The following SVIL variants were observed in gnomAD, a reference collection of about 807,000 sequenced individuals.
SVIL encodes supervillin.
SVIL carries 101 observed loss-of-function variants against 240.4 expected under a neutral mutation model. The ratio of observed to expected loss-of-function variants is 0.42; its 90% CI spans 0.36 to 0.50. SVIL has a LOEUF of 0.50. Among genes scored for constraint, SVIL ranks in the 20% least tolerant of loss-of-function variants. The pLI, the probability that SVIL is intolerant of heterozygous loss-of-function variation, is 0.01. For synonymous variants in SVIL, 999 were observed against 1,100.0 expected (o/e 0.91, Z 1.82); for missense variants, 2,512 against 2,818.7 (o/e 0.89, Z 2.46).
chr10:29,618,522 C>A (rs1957509958), intron 1 of SVIL, among the ~76,000 whole-genome samples: 1 of 152,136 alleles, frequency 6.6e-6, no homozygotes, highest in Admixed American at 6.5e-5. Context: ...ACAGACCCAC[C>A]ATGCCTGGCC....
intron 12 of SVIL, among the ~76,000 whole-genome samples, chr10:29,529,282 G>A (rs1038215683): frequency 6.6e-6 from 1 of 151,660 alleles, no homozygotes; most frequent in African/African-American, 2.4e-5. Context: ...GGATATTTAT[G>A]GATGAAATGG....
At chr10:29,708,605 C>T (rs934552996) in intron 1 of SVIL, among the ~76,000 whole-genome samples, 15 of 151,978 alleles carry the variant, frequency 9.9e-5, no homozygotes, top group South Asian at 2.1e-4. Flanking sequence ...TGGGCAACTC[C>T]GTCTCAAAAA....
intron 5 of SVIL, among the ~76,000 whole-genome samples, chr10:29,552,168 T>C (rs1953418534): frequency 6.6e-6 from 1 of 152,052 alleles, no homozygotes; most frequent in African/African-American, 2.4e-5. Context: ...TACAAACTAA[T>C]AACATTTTTA....
intron 32 of SVIL, among the ~76,000 whole-genome samples, chr10:29,468,390 C>T (rs893927776): frequency 6.6e-6 from 1 of 151,886 alleles, no homozygotes; most frequent in African/African-American, 2.4e-5. Context: ...CATCTTTTGG[C>T]CACTATGACT....
At chr10:29,722,314 C>T (rs1427454115) in intron 1 of SVIL, among the ~76,000 whole-genome samples, 2 of 151,352 alleles carry the variant, frequency 1.3e-5, no homozygotes, top group Non-Finnish European at 2.9e-5. Context: ...TCCCAAATTT[C>T]TACTGAAAAG....
chr10:29,627,345 C>A (rs1187745317), intron 1 of SVIL, among the ~76,000 whole-genome samples: 1 of 151,976 alleles, frequency 6.6e-6, no homozygotes, highest in Non-Finnish European at 1.5e-5. Flanking sequence ...TCCTCTAGTC[C>A]AACCCTTGTT....
At chr10:29,555,809 G>A (rs1953873049) in intron 3 of SVIL, among the ~76,000 whole-genome samples, 2 of 152,036 alleles carry the variant, frequency 1.3e-5, no homozygotes, top group Admixed American at 6.5e-5. Flanking sequence ...AGGGCCATCG[G>A]CAAGCTACAA....
intron 1 of SVIL, among the ~76,000 whole-genome samples, chr10:29,600,877 T>C (rs1956786030): frequency 6.6e-6 from 1 of 152,194 alleles, no homozygotes; most frequent in South Asian, 2.1e-4. Context: ...ATCTGAAGTA[T>C]AGTCAATACA....
intron 1 of SVIL, among the ~76,000 whole-genome samples, chr10:29,709,474 T>C (rs1360052404): frequency 2.0e-5 from 3 of 152,236 alleles, no homozygotes; most frequent in Non-Finnish European, 4.4e-5. Context: ...ATACCCTTCT[T>C]TGCCTTCCTT....
intron 1 of SVIL, among the ~76,000 whole-genome samples, chr10:29,586,875 A>G (rs1956187992): frequency 6.6e-6 from 1 of 152,134 alleles, no homozygotes; most frequent in Non-Finnish European, 1.5e-5. Flanking sequence ...GGAACAACAC[A>G]CACTGGGGCC....
intron 1 of SVIL, among the ~76,000 whole-genome samples, chr10:29,708,578 G>A (rs2995697): frequency 3.9e-5 from 6 of 152,198 alleles, no homozygotes; most frequent in African/African-American, 9.6e-5. Flanking sequence ...CCGAGATTGC[G>A]CCACTACACT....
chr10:29,540,390 AGATGCTCATG>A (rs1952058240), intron 6 of SVIL, among the ~76,000 whole-genome samples: 1 of 152,234 alleles, frequency 6.6e-6, no homozygotes, highest in Non-Finnish European at 1.5e-5. Flanking sequence ...AGTAGGTCTC[AGATGCTCATG>A]GAATGATTAA....
intron 3 of SVIL, 38 bp downstream of exon 3, chr10:29,563,163 C>T: frequency 5.3e-6 from 4 of 760,398 alleles, no homozygotes; most frequent in Non-Finnish European, 6.4e-6. Flanking sequence ...CAATACGCAT[C>T]TACCCAGACA....
At chr10:29,588,683 G>A (rs575015548) in intron 1 of SVIL, among the ~76,000 whole-genome samples, 1 of 152,320 alleles carries the variant, frequency 6.6e-6, no homozygotes, top group East Asian at 1.9e-4. Context: ...AACGGAAAGT[G>A]AAGCTTAGGA....
chr10:29,528,378 AT>A (rs567956611), intron 12 of SVIL, among the ~76,000 whole-genome samples: 12 of 151,490 alleles, frequency 7.9e-5, no homozygotes, highest in South Asian at 2.1e-4. Flanking sequence ...GGGATGAACT[AT>A]TTTTTTTTCC....
chr10:29,479,050 A>G (rs1358812055), intron 29 of SVIL, among the ~76,000 whole-genome samples: 1 of 152,034 alleles, frequency 6.6e-6, no homozygotes, highest in East Asian at 1.9e-4. Context: ...GGGCCCTGGA[A>G]GATCCCCTTC....
intron 17 of SVIL, among the ~76,000 whole-genome samples, chr10:29,501,697 G>A (rs372476668): frequency 6.6e-6 from 1 of 152,100 alleles, no homozygotes; most frequent in African/African-American, 2.4e-5. Context: ...TTAAATAAAC[G>A]ATGAGGTTCA....
At chr10:29,675,175 A>G (rs992024378) in intron 2 of SVIL, among the ~76,000 whole-genome samples, 4 of 152,218 alleles carry the variant, frequency 2.6e-5, no homozygotes, top group Non-Finnish European at 4.4e-5. Flanking sequence ...GCATGACCCC[A>G]GTATGAAGCC....
chr10:29,517,300 C>T (rs1173800631), intron 16 of SVIL, among the ~76,000 whole-genome samples: 3 of 151,964 alleles, frequency 2.0e-5, no homozygotes, highest in Non-Finnish European at 2.9e-5. Flanking sequence ...GTGGTGTGTG[C>T]CTGTAGTCCC....
Sources: allele counts gnomAD v4.1 joint callset (sites outside exome capture counted in the v4.1 genomes callset), GRCh38; gene constraint gnomAD v4.1.1; transcripts MANE v1.5; gene names NCBI Gene and HGNC (gene_info 2026-07-23, HGNC 2026-07-21).